Variants in SATB1 observed in about 807,000 individuals in gnomAD.
The protein encoded by SATB1 is SATB homeobox 1.
SATB1 carries 11 observed loss-of-function variants against 86.9 expected under a neutral mutation model. That is an observed-to-expected ratio of 0.13 (90% confidence interval 0.08 to 0.21). The LOEUF is 0.21. Ranked by LOEUF, SATB1 falls within the 10% of genes least tolerant of loss-of-function variation. The probability of loss-of-function intolerance (pLI) is 1.00; values close to 1 mark genes in which losing one functional copy is unlikely to be tolerated. For missense variants in SATB1, 551 were observed against 937.6 expected (o/e 0.59, Z 5.39); for synonymous variants, 357 against 357.2 (o/e 1.00, Z 0.01).
At chr3:18,390,435 A>C (rs1696598173) in intron 7 of SATB1, among the ~76,000 whole-genome samples, 1 of 152,162 alleles carries the variant, frequency 6.6e-6, no homozygotes, top group Non-Finnish European at 1.5e-5. Context: ...ATTCATGCCA[A>C]GTAAGTTTTA....
chr3:18,351,378 C>G (rs753301741), intron 10 of SATB1: 2 of 1,555,138 alleles, frequency 1.3e-6, no homozygotes, highest in Admixed American at 3.7e-5. Context: ...CCTCTAGACT[C>G]TCCTTTCCCA....
At chr3:18,416,433 A>G (rs1379617595) in intron 3 of SATB1, among the ~76,000 whole-genome samples, 1 of 152,154 alleles carries the variant, frequency 6.6e-6, no homozygotes, top group Non-Finnish European at 1.5e-5. Context: ...AATAAGACAT[A>G]GCCGAACCAG....
chr3:18,375,262 G>A (rs1281242378), intron 9 of SATB1, among the ~76,000 whole-genome samples: 2 of 152,154 alleles, frequency 1.3e-5, no homozygotes, highest in African/African-American at 2.4e-5. Flanking sequence ...GGAGTTGGCT[G>A]TACTACATTT....
At chr3:18,391,626 G>A (rs1324382302) in intron 7 of SATB1, among the ~76,000 whole-genome samples, 1 of 149,396 alleles carries the variant, frequency 6.7e-6, no homozygotes, top group East Asian at 2.0e-4. Flanking sequence ...AGAATATGCG[G>A]TGTTTGGTTT....
At chr3:18,419,993 A>C (rs557721033) in intron 2 of SATB1, among the ~76,000 whole-genome samples, 71 of 152,356 alleles carry the variant, frequency 4.7e-4, no homozygotes, top group South Asian at 4.1e-3. Context: ...TGCTTAGCAA[A>C]TGTAAGGAAA....
chr3:18,364,159 A>G (rs1038450016), intron 9 of SATB1, among the ~76,000 whole-genome samples: 3 of 152,180 alleles, frequency 2.0e-5, no homozygotes, highest in Admixed American at 6.6e-5. Context: ...AAATTTATCT[A>G]ATCATTGATC....
chr3:18,400,067 G>A (rs1457508382), intron 5 of SATB1, among the ~76,000 whole-genome samples: 1 of 152,054 alleles, frequency 6.6e-6, no homozygotes, highest in Non-Finnish European at 1.5e-5. Context: ...ATCATATACA[G>A]TAGTGTAATC....
chr3:18,395,918 G>C (rs997841871), intron 6 of SATB1, among the ~76,000 whole-genome samples: 1 of 152,182 alleles, frequency 6.6e-6, no homozygotes, highest in African/African-American at 2.4e-5. Context: ...ACATAAACAG[G>C]ACTTTCCAAA....
intron 5 of SATB1, among the ~76,000 whole-genome samples, chr3:18,397,818 A>G (rs1180551442): frequency 6.6e-6 from 1 of 152,202 alleles, no homozygotes; most frequent in Non-Finnish European, 1.5e-5. Flanking sequence ...CAGGGGATTC[A>G]CATGTATATT....
chr3:18,396,884 G>T (rs1418324587), intron 6 of SATB1, among the ~76,000 whole-genome samples: 5 of 152,132 alleles, frequency 3.3e-5, no homozygotes, highest in African/African-American at 9.7e-5. Context: ...GCTAATATTA[G>T]TTATTCAAGG....
At chr3:18,426,472 C>G (rs1698706947), upstream of SATB1, among the ~76,000 whole-genome samples, 1 of 152,188 alleles carries the variant, frequency 6.6e-6, no homozygotes, top group Non-Finnish European at 1.5e-5. This position sits in a 1 kb window ranked among gnomAD's most constrained non-coding sequence, Gnocchi z 4.2. Flanking sequence ...AACACTTCTG[C>G]TGTAATCTAG....
intron 6 of SATB1, among the ~76,000 whole-genome samples, chr3:18,396,826 C>A (rs898850258): frequency 6.6e-6 from 1 of 151,834 alleles, no homozygotes; most frequent in Admixed American, 6.6e-5. Context: ...TTCAACCAGA[C>A]AAAAACAAAA....
intron 9 of SATB1, among the ~76,000 whole-genome samples, chr3:18,367,005 C>T (rs1695220585): frequency 2.6e-5 from 4 of 152,132 alleles, no homozygotes; most frequent in Admixed American, 2.6e-4. Flanking sequence ...CACAAACACA[C>T]AGACCTAGAA....
At chr3:18,445,306 C>T (rs1699363273) in intron 1 of SATB1, 9 of 984,718 alleles carry the variant, frequency 9.1e-6, no homozygotes, top group Admixed American at 6.2e-5. Context: ...CCGCCGCCGC[C>T]GCTGCTGCGC....
intron 2 of SATB1, among the ~76,000 whole-genome samples, chr3:18,418,566 G>A (rs1698232814): frequency 6.6e-6 from 1 of 152,128 alleles, no homozygotes. Flanking sequence ...GAAAGAACCC[G>A]TCGGGGATCA....
chr3:18,388,325 C>CA lies in SATB1; in HGVS notation c.1207-1715dup, dbSNP rs200115186. The stretch of plus-strand genomic sequence containing the variant: ...TATTGAAAGTAAAACATTCAGGTCT[C>CA]AAAAAAAAAAAGTTTGAAAATAGGT... On this transcript the variant is annotated intron_variant, in intron 7 of 10. Transcript: ENST00000338745. 6.9e-3 allele frequency among the ~76,000 whole-genome samples: 998 copies of CA among 144,262 alleles called. 25 individuals carry two copies. Among genetic ancestry groups the CA allele is most frequent in the East Asian group, 0.068 (343 of 5,044 alleles). 94.6% of individuals were successfully genotyped at this position (144,262 alleles called of 152,430 possible). A position where few individuals can be genotyped will look rare whatever the true frequency, so the allele number is the denominator to read the frequency against.
At chr3:18,425,399 C>T (rs1342981113), upstream of SATB1, 42 of 143,378 alleles carry the variant, frequency 2.9e-4, no homozygotes, top group African/African-American at 9.7e-4. Context: ...GAAGGGGGTG[C>T]GGAGCCGAGG....
rs1212716000 is a variant in SATB1 at position 18,420,716 on chromosome 3, AG to A, written c.211+40del. The stretch of plus-strand genomic sequence containing the variant: ...CACAGTGTGGCCTTGTGTAGACAAC[AG>A]GGCTTTCAGCTTTTCAAGATTTGGC... On this transcript the variant is annotated intron_variant, in intron 2 of 10. Transcript: ENST00000338745. 6 of 1,557,122 alleles carry A rather than the reference AG, an allele frequency of 3.9e-6. No individual in the cohort carries two copies. In the African/African-American group the frequency reaches 8.1e-5, roughly 21 times the overall value.
At chr3:18,357,770 A>G (rs868432276) in intron 9 of SATB1, among the ~76,000 whole-genome samples, 2 of 152,012 alleles carry the variant, frequency 1.3e-5, no homozygotes, top group Middle Eastern at 6.8e-3. Context: ...TTACAACAGT[A>G]TAGTTACAGA....
Sources: gnomAD v4.1 joint callset for allele counts (sites outside exome capture counted in the v4.1 genomes callset) on GRCh38, gnomAD v4.1.1 for gene constraint, Gnocchi (gnomAD v3.1) non-coding constraint, MANE v1.5 for transcripts, NCBI Gene and HGNC (gene_info 2026-07-23, HGNC 2026-07-21) for gene names.